The following HEPH variants were observed in gnomAD, a reference collection of about 807,000 sequenced individuals.
HEPH encodes the protein hephaestin.
In HEPH, 69 loss-of-function variants were observed where a neutral mutation model predicts 80.8. The observed-to-expected ratio is 0.85, with a 90% CI of 0.70 to 1.04. The LOEUF (loss-of-function observed/expected upper bound fraction) is 1.04, where lower values mean the gene tolerates loss of function less well. Ranked by LOEUF, HEPH falls within the 50% of genes least tolerant of loss-of-function variation. The pLI is 0.00. For missense variants in HEPH, 1,115 were observed against 891.3 expected (o/e 1.25, Z -3.20); for synonymous variants, 431 against 322.8 (o/e 1.34, Z -3.60).
intron 15 of HEPH, among the ~76,000 whole-genome samples, chrX:66,247,219 T>C (rs958641261): frequency 1.3e-4 from 14 of 110,371 alleles, no homozygotes; most frequent in African/African-American, 4.6e-4. Context: ...TTTTGTCAAA[T>C]GTGAGACATT....
At chrX:66,214,142 A>G (rs180887104) in intron 15 of HEPH, among the ~76,000 whole-genome samples, 4 of 111,845 alleles carry the variant, frequency 3.6e-5, no homozygotes, top group African/African-American at 6.5e-5. Context: ...TTTGAGAGTC[A>G]TCAGCATGTA....
At chrX:66,240,818 CA>C (rs1297119761) in intron 15 of HEPH, among the ~76,000 whole-genome samples, 1 of 111,905 alleles carries the variant, frequency 8.9e-6, no homozygotes, top group Non-Finnish European at 1.9e-5. Flanking sequence ...ACCTATACTA[CA>C]AAAAATGTTA....
At chrX:66,255,245 G>A (rs898829224) in intron 16 of HEPH, 104 bp downstream of exon 16, 12 of 449,283 alleles carry the variant, frequency 2.7e-5, no homozygotes, top group Non-Finnish European at 4.2e-5. Flanking sequence ...CTAGAGCCTA[G>A]AATTTGGGGA....
chrX:66,224,415 T>A (rs1409844186), intron 15 of HEPH, among the ~76,000 whole-genome samples: 1 of 111,175 alleles, frequency 9.0e-6, no homozygotes, highest in African/African-American at 3.3e-5. Flanking sequence ...CTTTGTATGG[T>A]AATTAAGATT....
chrX:66,226,589 C>T (rs1255111812), intron 15 of HEPH, among the ~76,000 whole-genome samples: 2 of 111,761 alleles, frequency 1.8e-5, no homozygotes, highest in African/African-American at 6.5e-5. Flanking sequence ...ATAAGCTCAA[C>T]TAGAAAAGAA....
chrX:66,171,589 A>G (rs2086597018), intron 2 of HEPH, among the ~76,000 whole-genome samples: 1 of 111,824 alleles, frequency 8.9e-6, no homozygotes, highest in African/African-American at 3.2e-5. Context: ...AATATCTCTG[A>G]GTTCTCTGAG....
At chrX:66,195,932 G>T (rs1247592227) in intron 9 of HEPH, among the ~76,000 whole-genome samples, 4 of 111,403 alleles carry the variant, frequency 3.6e-5, no homozygotes, top group Non-Finnish European at 7.5e-5. Context: ...AACTATAAAA[G>T]AAAAACTGAA....
At position 66,195,170 on chromosome X, in the gene HEPH, G is replaced by C. The variant is rs781686208; in HGVS notation, c.1442G>C (p.Ser481Thr). Residue 481 changes from serine to threonine, a missense_variant, in exon 9 of 21, where the codon AGC becomes ACC. Transcript: ENST00000343002. ...VFYNRASQPF[S>T]MQPHGVFYEK... is the part of the protein sequence containing the mutation. ...TACAACCGTGCCTCCCAGCCATTCAGCATGCAGCCCCATGGGGTCTTTTAT... is the reference window on the plus strand; with the variant it reads ...TACAACCGTGCCTCCCAGCCATTCACCATGCAGCCCCATGGGGTCTTTTAT... The C allele has an allele frequency of 8.3e-7, 1 of 1,204,853 alleles. No homozygotes were observed. Among genetic ancestry groups the C allele is most frequent in the African/African-American group, 1.7e-5 (1 of 57,378 alleles).
chrX:66,166,660 G>A (rs1011526358), intron 1 of HEPH, among the ~76,000 whole-genome samples: 5 of 112,017 alleles, frequency 4.5e-5, no homozygotes, highest in African/African-American at 9.7e-5. Flanking sequence ...CTTATCAGGT[G>A]CCTACTAAGT....
At chrX:66,237,548 A>G (rs1344341651) in intron 15 of HEPH, among the ~76,000 whole-genome samples, 1 of 111,745 alleles carries the variant, frequency 8.9e-6, no homozygotes, top group Non-Finnish European at 1.9e-5. Flanking sequence ...GTGTTCGATT[A>G]TGTGGTTGAT....
chrX:66,226,021 T>G (rs1385453341), intron 15 of HEPH, among the ~76,000 whole-genome samples: 1 of 111,555 alleles, frequency 9.0e-6, no homozygotes, highest in Non-Finnish European at 1.9e-5. Flanking sequence ...GGTTGTGATC[T>G]ATTGAGAAAG....
intron 19 of HEPH, 101 bp downstream of exon 19, chrX:66,260,363 C>A (rs2091321028): frequency 3.1e-6 from 2 of 650,748 alleles, no homozygotes; most frequent in Non-Finnish European, 4.7e-6. Context: ...CCTTCTGATC[C>A]CACAATAAGC....
At chrX:66,208,487 T>A (rs1305342297) in intron 15 of HEPH, among the ~76,000 whole-genome samples, 1 of 105,499 alleles carries the variant, frequency 9.5e-6, no homozygotes, top group East Asian at 3.0e-4. Context: ...GGTGCAGTGG[T>A]GTGCACCTGT....
intron 15 of HEPH, among the ~76,000 whole-genome samples, chrX:66,215,093 A>G (rs961175865): frequency 9.0e-6 from 1 of 111,636 alleles, no homozygotes; most frequent in Non-Finnish European, 1.9e-5. Flanking sequence ...GTTGGAATGG[A>G]TTTCCATTTA....
chrX:66,192,231 A>T lies in HEPH; in HGVS notation c.1165A>T (p.Ile389Phe), dbSNP rs1319084166. ...ACAGTACTTCATTGAGGCCCATGAG[A>T]TTCAATGGGACTATGGCCCGATGGG... is the stretch of plus-strand genomic sequence containing the variant. ...VRQYFIEAHE[I>F]QWDYGPMGHD... The change falls in exon 7 of 21, where the codon ATT (isoleucine) becomes TTT (phenylalanine). Residue 389 changes from isoleucine to phenylalanine, a missense_variant. By Grantham distance (21) the Ile-to-Phe change is conservative (BLOSUM62 0). Transcript: ENST00000343002. The T allele has an allele frequency of 5.8e-6, 7 of 1,209,259 alleles. No homozygotes were observed. The highest frequency in any genetic ancestry group is 6.7e-6 in the Non-Finnish European group (6 of 894,706).
chrX:66,173,529 A>T, intron 3 of HEPH, 60 bp from the exon 4 acceptor site: 1 of 852,153 alleles, frequency 1.2e-6, no homozygotes, highest in Non-Finnish European at 1.7e-6. Context: ...GTCTTAATTT[A>T]TGTATTTGCC....
At chrX:66,207,631 G>GA (rs1265221287) in intron 14 of HEPH, among the ~76,000 whole-genome samples, 8 of 111,232 alleles carry the variant, frequency 7.2e-5, no homozygotes, top group African/African-American at 1.6e-4. Flanking sequence ...ATCAAAATGT[G>GA]AAAAAACTAT....
chrX:66,267,809 T>G (rs1038450823), downstream of HEPH: 3 of 110,935 alleles, frequency 2.7e-5, no homozygotes, highest in Non-Finnish European at 5.7e-5. Context: ...ATTCCTTTGT[T>G]ACATGCAAAT....
chrX:66,241,595 C>A (rs1054911198), intron 15 of HEPH, among the ~76,000 whole-genome samples: 4 of 111,312 alleles, frequency 3.6e-5, no homozygotes, highest in African/African-American at 1.3e-4. Flanking sequence ...CATTGGAGCA[C>A]CCAGATTGAT....
Sources: allele counts gnomAD v4.1 joint callset (sites outside exome capture counted in the v4.1 genomes callset), GRCh38; gene constraint gnomAD v4.1.1; transcripts MANE v1.5; gene names NCBI Gene and HGNC (gene_info 2026-07-23, HGNC 2026-07-21).